ARHGAP20: variants seen among roughly 807,000 people sequenced by gnomAD.
ARHGAP20 encodes Rho GTPase activating protein 20, also known as rho GTPase-activating protein 20.
A neutral mutation model predicts 73.7 loss-of-function variants in ARHGAP20; 34 were observed. The observed-to-expected ratio is 0.46, with a 90% CI of 0.35 to 0.61. The LOEUF (loss-of-function observed/expected upper bound fraction) is 0.61. Ranked by LOEUF, ARHGAP20 falls within the 20% of genes least tolerant of loss-of-function variation. The probability of loss-of-function intolerance (pLI) is 0.00; values close to 1 mark genes in which losing one functional copy is unlikely to be tolerated. For missense variants in ARHGAP20, 1,314 were observed against 1,420.9 expected, an observed-to-expected ratio of 0.92 and a Z score of 1.21; for synonymous variants, 523 against 518.2, an observed-to-expected ratio of 1.01 and a Z score of -0.13.
chr11:110,687,105 C>CACACACACACAT (rs1555102836), intron 2 of ARHGAP20, among the ~76,000 whole-genome samples: 2 of 148,344 alleles, frequency 1.3e-5, no homozygotes, highest in Admixed American at 1.3e-4. Context: ...CACACACACA[C>CACACACACACAT]ATATATTTTA....
At chr11:110,594,668 G>C (rs12281797) in intron 9 of ARHGAP20, among the ~76,000 whole-genome samples, 2,880 of 152,192 alleles carry the variant, frequency 0.019, 93 homozygotes, top group African/African-American at 0.066. Context: ...ACCAAAAAAA[G>C]TTCAGGACCA....
At chr11:110,595,187 A>G (rs1416217069) in intron 9 of ARHGAP20, among the ~76,000 whole-genome samples, 5 of 152,082 alleles carry the variant, frequency 3.3e-5, no homozygotes, top group African/African-American at 1.2e-4. Flanking sequence ...AGCCAATATC[A>G]TACTGAATGG....
In ARHGAP20 at chr11:110,591,904, C is replaced by T. The variant is rs926363134; in HGVS notation, c.1143+73G>A. ...TGTCTATAATTTTTCCATTTGGGGA[C>T]AGATTTACCTCGCAGAGCTCTCCTT... On this transcript the variant is annotated intron_variant, in intron 10 of 14. Transcript: ENST00000683387. 17 of 1,471,752 alleles carry T rather than the reference C, an allele frequency of 1.2e-5. No individual in the cohort carries two copies. In the Admixed American group the frequency reaches 1.5e-4, roughly 13 times the overall value. The allele number at this position is 1,471,752 out of a possible 1,614,324, so 91.2% of individuals were successfully genotyped here. A position where few individuals can be genotyped will look rare whatever the true frequency, so the allele number is the denominator to read the frequency against.
intron 1 of ARHGAP20, among the ~76,000 whole-genome samples, chr11:110,708,775 G>A (rs1950595036): frequency 6.6e-6 from 1 of 152,176 alleles, no homozygotes; most frequent in Non-Finnish European, 1.5e-5. Flanking sequence ...TTTGGGGGAT[G>A]ACGAATATAT....
At chr11:110,707,906 A>G (rs1950578598) in intron 1 of ARHGAP20, among the ~76,000 whole-genome samples, 1 of 151,280 alleles carries the variant, frequency 6.6e-6, no homozygotes, top group South Asian at 2.1e-4. Context: ...TGTCCAATAC[A>G]GTAGCCACTA....
intron 2 of ARHGAP20, among the ~76,000 whole-genome samples, chr11:110,673,158 G>C (rs919708982): frequency 6.6e-5 from 10 of 151,978 alleles, no homozygotes; most frequent in Admixed American, 5.2e-4. Context: ...TTTGATAAAA[G>C]GTATAACACA....
intron 9 of ARHGAP20, among the ~76,000 whole-genome samples, chr11:110,595,054 C>T (rs1390016974): frequency 6.6e-6 from 1 of 151,474 alleles, no homozygotes; most frequent in Non-Finnish European, 1.5e-5. Flanking sequence ...ACATGATTAT[C>T]TCAATAGATG....
chr11:110,664,653 G>A (rs1472917987), intron 2 of ARHGAP20, among the ~76,000 whole-genome samples: 3 of 150,504 alleles, frequency 2.0e-5, no homozygotes, highest in Non-Finnish European at 4.4e-5. Context: ...GCGTGAACCC[G>A]GGAGGCGGAG....
intron 1 of ARHGAP20, among the ~76,000 whole-genome samples, chr11:110,696,616 C>T (rs11213541): frequency 0.28 from 42,054 of 151,370 alleles, 6,206 homozygotes; most frequent in African/African-American, 0.39. Context: ...TGCATGTTTG[C>T]TACATCGGTA....
intron 2 of ARHGAP20, among the ~76,000 whole-genome samples, chr11:110,685,340 A>T (rs899899572): frequency 6.6e-6 from 1 of 152,128 alleles, no homozygotes; most frequent in African/African-American, 2.4e-5. Flanking sequence ...AGTGAACACT[A>T]CTGTGTCAAA....
chr11:110,641,546 T>C (rs1482474456), intron 2 of ARHGAP20, among the ~76,000 whole-genome samples: 1 of 151,968 alleles, frequency 6.6e-6, no homozygotes, highest in Non-Finnish European at 1.5e-5. Context: ...ATGAGAGTAT[T>C]TGAACTTCAA....
At chr11:110,595,667 T>C (rs901832689) in intron 9 of ARHGAP20, among the ~76,000 whole-genome samples, 1 of 152,170 alleles carries the variant, frequency 6.6e-6, no homozygotes, top group Non-Finnish European at 1.5e-5. Flanking sequence ...TGGAAGAACA[T>C]TCCATGCTCA....
chr11:110,598,753 C>A (rs996587356), intron 9 of ARHGAP20, among the ~76,000 whole-genome samples: 9 of 152,078 alleles, frequency 5.9e-5, no homozygotes, highest in Admixed American at 2.6e-4. Context: ...ATGAAGCTGG[C>A]AGGGGCTGGG....
At chr11:110,632,930 T>C (rs950271320) in intron 2 of ARHGAP20, among the ~76,000 whole-genome samples, 6 of 152,324 alleles carry the variant, frequency 3.9e-5, no homozygotes, top group Non-Finnish European at 7.3e-5. Context: ...TCCTAGTCTG[T>C]TGCTTGCCTG....
At chr11:110,676,783 C>T (rs1949940106) in intron 2 of ARHGAP20, among the ~76,000 whole-genome samples, 1 of 151,474 alleles carries the variant, frequency 6.6e-6, no homozygotes. Context: ...TTCTATAAAA[C>T]CAAAATTATA....
At chr11:110,614,719 A>G in intron 5 of ARHGAP20, 74 bp from the exon 6 acceptor site, 1 of 1,016,334 alleles carries the variant, frequency 9.8e-7, no homozygotes, top group Non-Finnish European at 1.5e-6. Flanking sequence ...TTTAAAAATC[A>G]ATTTATTTTG....
chr11:110,661,999 G>A (rs895623902), intron 2 of ARHGAP20, among the ~76,000 whole-genome samples: 10 of 151,920 alleles, frequency 6.6e-5, no homozygotes, highest in South Asian at 2.1e-4. Context: ...CATGGCATAC[G>A]TAAGCAATGA....
intron 2 of ARHGAP20, among the ~76,000 whole-genome samples, chr11:110,673,822 G>C (rs920221097): frequency 1.3e-5 from 2 of 152,078 alleles, no homozygotes; most frequent in Non-Finnish European, 1.5e-5. Flanking sequence ...TATCTTATCA[G>C]ATAGAAAACT....
At position 110,577,499 on chromosome 11, in the gene ARHGAP20, A is replaced by T; in HGVS notation, c.*1871T>A. On this transcript the variant is annotated 3_prime_UTR_variant, in exon 15 of 15. Coordinates refer to ENST00000683387, the MANE Select transcript of ARHGAP20 (RefSeq NM_001384657.1). ...AAAAAAAAAAAAGGCAATTTCTTCC[A>T]GAAAGACACTCCAAGCCGTTAAGAG... is the stretch of plus-strand genomic sequence containing the variant. 9.9e-7 allele frequency: 1 copy of T among 1,009,254 alleles called. No individual in the cohort carries two copies. The highest frequency in any genetic ancestry group is 1.2e-6 in the Non-Finnish European group (1 of 846,472). 62.5% of individuals were successfully genotyped at this position (1,009,254 alleles called of 1,614,324 possible). A position where few individuals can be genotyped will look rare whatever the true frequency, so the allele number is the denominator to read the frequency against.
Sources: allele counts gnomAD v4.1 joint callset (sites outside exome capture counted in the v4.1 genomes callset), GRCh38; gene constraint gnomAD v4.1.1; transcripts MANE v1.5; gene names NCBI Gene and HGNC (gene_info 2026-07-23, HGNC 2026-07-21).